The following DPH5 variants were observed in gnomAD, a reference collection of about 807,000 sequenced individuals.
DPH5 encodes diphthamide biosynthesis 5, also known as diphthine methyl ester synthase.
Under a neutral mutation model 31.6 loss-of-function variants are expected in DPH5, and 31 were observed. The ratio of observed to expected loss-of-function variants is 0.98; its 90% CI spans 0.74 to 1.32. The LOEUF (loss-of-function observed/expected upper bound fraction) is 1.32. Among genes scored for constraint, DPH5 ranks in the 40% most tolerant of loss-of-function variants. The pLI is 0.00. For missense variants in DPH5, 309 were observed against 335.7 expected (o/e 0.92, Z 0.62); for synonymous variants, 120 against 115.0 (o/e 1.04, Z -0.28).
chr1:101,013,632 A>T, intron 4 of DPH5, 78 bp downstream of exon 4: 2 of 996,896 alleles, frequency 2.0e-6, no homozygotes, highest in Non-Finnish European at 3.0e-6. Context: ...ATAAAATACA[A>T]TTAAATGTAT....
intron 4 of DPH5, among the ~76,000 whole-genome samples, chr1:101,003,335 C>T (rs1332592189): frequency 1.3e-5 from 2 of 152,152 alleles, no homozygotes; most frequent in African/African-American, 4.8e-5. Context: ...GCAAACTTAG[C>T]CAACAAATAC....
rs180879873 is a variant in DPH5 at position 100,999,611 on chromosome 1, C to T, written c.490+1856G>A. On this transcript the variant is annotated intron_variant, in intron 5 of 7. Transcript: ENST00000370109. ...ATCCCAGCACTTTGGGGGGCAGAGG[C>T]GGGCAGATCTTAAGGTCAGGAGTTC... is the stretch of plus-strand genomic sequence containing the variant. Among the ~76,000 whole-genome samples the T allele has an allele frequency of 1.1e-3, 165 of 152,118 alleles. 2 individuals are homozygous for T. Among genetic ancestry groups the T allele is most frequent in the African/African-American group, 3.8e-3 (159 of 41,510 alleles).
intron 2 of DPH5, among the ~76,000 whole-genome samples, chr1:101,022,079 G>C (rs1250547753): frequency 6.6e-6 from 1 of 152,112 alleles, no homozygotes; most frequent in Non-Finnish European, 1.5e-5. Flanking sequence ...AACACTGTAG[G>C]ATGAATGCGG....
chr1:101,010,125 G>A (rs1420476642), intron 4 of DPH5, among the ~76,000 whole-genome samples: 1 of 152,156 alleles, frequency 6.6e-6, no homozygotes, highest in African/African-American at 2.4e-5. Flanking sequence ...ATCTCTTTGA[G>A]AGCAAGGACC....
intron 4 of DPH5, among the ~76,000 whole-genome samples, chr1:101,005,549 C>T (rs1020077553): frequency 1.3e-5 from 2 of 152,110 alleles, no homozygotes; most frequent in African/African-American, 2.4e-5. Flanking sequence ...TGAATGACTA[C>T]GTAGACAGAA....
In DPH5 at chr1:101,013,299, A is replaced by C. The variant is rs192800101; in HGVS notation, c.369+411T>G. Among the ~76,000 whole-genome samples the C allele has an allele frequency of 1.1e-3, 171 of 152,378 alleles. 1 individual carries two copies. The highest frequency in any genetic ancestry group is 6.6e-3 in the Admixed American group (101 of 15,306). On this transcript the variant is annotated intron_variant, in intron 4 of 7. Coordinates refer to ENST00000370109, the MANE Select transcript of DPH5 (RefSeq NM_015958.3). ...ACATCAATAACTGCAAACCTGGTTT[A>C]AAAGCCCATATCACTGGCTTTTAGC...
Position 101,021,605 on chromosome 1 carries a change from A to G in DPH5, c.260+36T>C, listed in dbSNP as rs1487427746. On this transcript the variant is annotated intron_variant, in intron 3 of 7. Transcript: ENST00000370109. Reference sequence around the variant, plus strand: ...ATTCTTACTGATTAAAAAAAAGTAAATGAGTTAAAAACTCAAAATATCTGC... The same window carrying G: ...ATTCTTACTGATTAAAAAAAAGTAAGTGAGTTAAAAACTCAAAATATCTGC... 1.9e-6 allele frequency: 3 copies of G among 1,582,370 alleles called. No homozygotes were observed. The African/African-American group carries it at 4.1e-5, about 22-fold the overall frequency.
intron 5 of DPH5, among the ~76,000 whole-genome samples, chr1:100,998,454 A>C (rs1262142576): frequency 6.6e-6 from 1 of 151,286 alleles, no homozygotes; most frequent in Non-Finnish European, 1.5e-5. Flanking sequence ...GGTTGCAGTG[A>C]GCCGAGACTG....
At chr1:100,992,486 T>G (rs534214732) in intron 7 of DPH5, 151 bp downstream of exon 7, 127 of 522,884 alleles carry the variant, frequency 2.4e-4, no homozygotes, top group African/African-American at 2.3e-3. Flanking sequence ...CCTATGGGAT[T>G]TAAGTTAAAG....
chr1:101,012,376 C>A (rs1659761047), intron 4 of DPH5, among the ~76,000 whole-genome samples: 1 of 152,170 alleles, frequency 6.6e-6, no homozygotes, highest in South Asian at 2.1e-4. Flanking sequence ...GCTTTACTGG[C>A]CGAACCAGCA....
chr1:101,025,511 C>T, intron 1 of DPH5, 45 bp from the exon 2 acceptor site: 1 of 1,582,608 alleles, frequency 6.3e-7, no homozygotes, highest in Admixed American at 1.7e-5. Flanking sequence ...ACACCGAGGA[C>T]ATCTAAAATC....
At chr1:101,016,845 A>T (rs1270961080) in intron 3 of DPH5, among the ~76,000 whole-genome samples, 2 of 152,210 alleles carry the variant, frequency 1.3e-5, no homozygotes, top group Admixed American at 1.3e-4. Flanking sequence ...TTGTAGGGTT[A>T]TTAATTGACC....
intron 5 of DPH5, among the ~76,000 whole-genome samples, chr1:100,997,833 C>G (rs989493107): frequency 9.9e-5 from 15 of 152,164 alleles, no homozygotes; most frequent in African/African-American, 4.8e-5. Flanking sequence ...ACATCTACTT[C>G]TTTAGCAAAA....
intron 7 of DPH5, among the ~76,000 whole-genome samples, chr1:100,991,958 G>T (rs1415534682): frequency 1.3e-5 from 2 of 150,992 alleles, no homozygotes; most frequent in Admixed American, 6.6e-5. Flanking sequence ...AACACACAAA[G>T]AAATTAGCTG....
At chr1:101,004,000 A>AT (rs1311267315) in intron 4 of DPH5, among the ~76,000 whole-genome samples, 1 of 152,226 alleles carries the variant, frequency 6.6e-6, no homozygotes, top group East Asian at 1.9e-4. Context: ...ATGGAAGGAA[A>AT]TAAGTTCTTC....
intron 7 of DPH5, 45 bp from the exon 8 acceptor site, chr1:100,990,676 C>A: frequency 6.4e-7 from 1 of 1,567,210 alleles, no homozygotes; most frequent in South Asian, 1.1e-5. Flanking sequence ...GCAAATGCAT[C>A]ATCCATCCAA....
chr1:101,016,068 T>C lies in DPH5; in HGVS notation c.261-2250A>G, dbSNP rs531431848. On this transcript the variant is annotated intron_variant, in intron 3 of 7. Coordinates refer to ENST00000370109, the MANE Select transcript of DPH5 (RefSeq NM_015958.3). ...GCACTTTTAATTTCCATTAAGAACT[T>C]TTCCAGCCAGGTGCAGTGGCTCACA... is the stretch of plus-strand genomic sequence containing the variant. Among the ~76,000 whole-genome samples, 3 of 152,260 alleles carry C rather than the reference T, an allele frequency of 2.0e-5. No homozygotes were observed. In the East Asian group the frequency reaches 5.8e-4, roughly 29 times the overall value.
intron 5 of DPH5, 59 bp from the exon 6 acceptor site, chr1:100,995,208 G>A (rs1476615481): frequency 4.9e-6 from 6 of 1,214,956 alleles, no homozygotes; most frequent in African/African-American, 3.0e-5. Context: ...AAAACCCTAT[G>A]TGTAAACCTC....
At chr1:101,017,318 T>C (rs1227554236) in intron 3 of DPH5, among the ~76,000 whole-genome samples, 1 of 152,234 alleles carries the variant, frequency 6.6e-6, no homozygotes, top group Admixed American at 6.5e-5. Flanking sequence ...TCCTATAATA[T>C]TGGATTTTAT....
Sources: allele counts gnomAD v4.1 joint callset (sites outside exome capture counted in the v4.1 genomes callset), GRCh38; gene constraint gnomAD v4.1.1; transcripts MANE v1.5; gene names NCBI Gene and HGNC (gene_info 2026-07-23, HGNC 2026-07-21).